CNST: variants seen among roughly 807,000 people sequenced by gnomAD.
CNST encodes consortin, connexin sorting protein.
A neutral mutation model predicts 72.4 loss-of-function variants in CNST; 39 were observed. The ratio of observed to expected loss-of-function variants is 0.54; its 90% CI spans 0.42 to 0.70. The LOEUF is 0.70. Ranked by LOEUF, CNST falls within the 30% of genes least tolerant of loss-of-function variation. CNST has a pLI of 0.00. For missense variants in CNST, 871 were observed against 868.5 expected, an observed-to-expected ratio of 1.00 and a Z score of -0.04; for synonymous variants, 332 against 320.1, an observed-to-expected ratio of 1.04 and a Z score of -0.40.
intron 10 of CNST, among the ~76,000 whole-genome samples, chr1:246,664,036 T>C (rs555234951): frequency 1.3e-5 from 2 of 152,336 alleles, no homozygotes; most frequent in Admixed American, 1.3e-4. Context: ...GTAAAATTTG[T>C]TTCTTGTAAA....
Position 246,612,569 on chromosome 1 carries a change from G to GT in CNST, c.380-8853dup, listed in dbSNP as rs532338683. ...TTTAAAATGTTAAATTTTGTGTTAT[G>GT]TTTTTTTAAAAAAATAGCCCCCCAA... is the stretch of plus-strand genomic sequence containing the variant. On this transcript the variant is annotated intron_variant, in intron 2 of 10. Coordinates refer to ENST00000366513, the MANE Select transcript of CNST (RefSeq NM_152609.3). Among the ~76,000 whole-genome samples the GT allele has an allele frequency of 2.2e-4, 34 of 152,134 alleles. No homozygotes were observed. The South Asian group carries it at 5.6e-3, about 25-fold the overall frequency.
Position 246,644,885 on chromosome 1 carries a change from A to C in CNST, c.938-2254A>C, listed in dbSNP as rs921063630. ...TTTGGATGTGGCCCTCATTGCTCTA[A>C]CCTTGCCCCATTTTAACAGAGGGAG... On this transcript the variant is annotated intron_variant, in intron 8 of 10. Coordinates refer to ENST00000366513, the MANE Select transcript of CNST (RefSeq NM_152609.3). Among the ~76,000 whole-genome samples the C allele has an allele frequency of 9.9e-5, 15 of 152,254 alleles. No individual in the cohort carries two copies. In the South Asian group the frequency reaches 2.9e-3, roughly 29 times the overall value.
chr1:246,597,199 T>G (rs1160842402), intron 2 of CNST, among the ~76,000 whole-genome samples: 2 of 152,242 alleles, frequency 1.3e-5, no homozygotes, highest in Non-Finnish European at 2.9e-5. Context: ...CAACACCTGT[T>G]AATATCTGAC....
intron 8 of CNST, among the ~76,000 whole-genome samples, chr1:246,642,928 G>C: frequency 6.8e-6 from 1 of 147,972 alleles, no homozygotes; most frequent in Non-Finnish European, 1.5e-5. Flanking sequence ...GTCTCACGCT[G>C]TTGCCCAGGC....
chr1:246,590,674 TTC>T (rs1401959095), intron 1 of CNST, among the ~76,000 whole-genome samples: 6 of 152,306 alleles, frequency 3.9e-5, no homozygotes, highest in Middle Eastern at 3.4e-3. Context: ...ACTGGATTAT[TTC>T]TTTCATACCT....
intron 10 of CNST, among the ~76,000 whole-genome samples, chr1:246,660,537 C>A (rs1198014615): frequency 3.3e-5 from 5 of 152,110 alleles, no homozygotes; most frequent in African/African-American, 2.4e-5. Flanking sequence ...ACAAGCCTGA[C>A]CAACATGACA....
intron 2 of CNST, among the ~76,000 whole-genome samples, chr1:246,599,027 C>T (rs547467438): frequency 2.6e-5 from 4 of 152,076 alleles, no homozygotes; most frequent in Admixed American, 6.5e-5. Context: ...TTTACTCTTC[C>T]TTCTTTAAGG....
At chr1:246,635,849 G>T (rs1665189911) in intron 6 of CNST, among the ~76,000 whole-genome samples, 1 of 152,162 alleles carries the variant, frequency 6.6e-6, no homozygotes, top group South Asian at 2.1e-4. Flanking sequence ...ACGGTCTTTG[G>T]CTTCCTCCTG....
chr1:246,576,999 A>T (rs1558526842), intron 1 of CNST, among the ~76,000 whole-genome samples: 2 of 151,918 alleles, frequency 1.3e-5, no homozygotes, highest in East Asian at 3.8e-4. Flanking sequence ...TTACCTTAAA[A>T]TTTTTTAAAA....
intron 9 of CNST, among the ~76,000 whole-genome samples, chr1:246,656,523 T>C (rs1271693100): frequency 6.6e-6 from 1 of 152,230 alleles, no homozygotes; most frequent in Non-Finnish European, 1.5e-5. Flanking sequence ...GTATATTTGT[T>C]TGGGTAAGAA....
At chr1:246,637,627 G>A (rs1025007796) in intron 6 of CNST, among the ~76,000 whole-genome samples, 1 of 152,202 alleles carries the variant, frequency 6.6e-6, no homozygotes, top group Non-Finnish European at 1.5e-5. Flanking sequence ...TTGGTGAGTT[G>A]AGCTTTAAGG....
intron 1 of CNST, among the ~76,000 whole-genome samples, chr1:246,570,560 C>T (rs751473757): frequency 6.6e-6 from 1 of 152,136 alleles, no homozygotes; most frequent in Non-Finnish European, 1.5e-5. Context: ...CAAATATAGT[C>T]ATGATAGACC....
At chr1:246,612,249 T>G (rs1195533220) in intron 2 of CNST, among the ~76,000 whole-genome samples, 2 of 152,254 alleles carry the variant, frequency 1.3e-5, no homozygotes, top group Non-Finnish European at 2.9e-5. Context: ...TTGCCCAGAC[T>G]AGAGTGCAGT....
At chr1:246,608,547 T>G (rs1257462511) in intron 2 of CNST, among the ~76,000 whole-genome samples, 1 of 152,242 alleles carries the variant, frequency 6.6e-6, no homozygotes, top group African/African-American at 2.4e-5. Context: ...AATATTTATG[T>G]GTACTGATTG....
At position 246,647,799 on chromosome 1, in the gene CNST, A is replaced by G. The variant is rs761942647; in HGVS notation, c.1598A>G (p.Lys533Arg). Residue 533 changes from lysine to arginine, a missense_variant, in exon 9 of 11, where the codon AAG becomes AGG. By Grantham distance (26) the Lys-to-Arg change is conservative (BLOSUM62 2). Transcript: ENST00000366513. ...LPEVCMAPEE[K>R]GDKDDQLNKE... ...GAGGTGTGTATGGCCCCAGAGGAAA[A>G]GGGAGATAAAGACGACCAACTCAAC... 6 of 1,614,188 alleles carry G rather than the reference A, an allele frequency of 3.7e-6. No homozygotes were observed. Among genetic ancestry groups the G allele is most frequent in the Non-Finnish European group, 5.1e-6 (6 of 1,180,000 alleles).
rs553600284 is a variant in CNST, at chr1:246,657,114, C to T, written c.1837-3085C>T. On this transcript the variant is annotated intron_variant, in intron 9 of 10. Transcript: ENST00000366513. ...AAGTATGAAATTGAGGCAAACCCCA[C>T]CAAACTTGTTTCTTAAGATCTTTAT... 9.9e-5 allele frequency among the ~76,000 whole-genome samples: 15 copies of T among 152,186 alleles called. No homozygotes were observed. The East Asian group carries it at 2.7e-3, about 27-fold the overall frequency.
In CNST at chr1:246,598,422, T is replaced by C. The variant is rs1159897608; in HGVS notation, c.379+6481T>C. The stretch of plus-strand genomic sequence containing the variant: ...TTCCTAGGAACTTTTTAATACTGTC[T>C]CTTTTCAGATGTACCTGTCCCTGCC... On this transcript the variant is annotated intron_variant, in intron 2 of 10. Coordinates refer to ENST00000366513, the MANE Select transcript of CNST (RefSeq NM_152609.3). Among the ~76,000 whole-genome samples the C allele has an allele frequency of 3.9e-5, 6 of 152,280 alleles. No homozygotes were observed. The East Asian group carries it at 5.8e-4, about 15-fold the overall frequency.
intron 2 of CNST, among the ~76,000 whole-genome samples, chr1:246,601,549 C>T (rs1239572687): frequency 6.6e-6 from 1 of 152,110 alleles, no homozygotes; most frequent in Non-Finnish European, 1.5e-5. Context: ...AATCCCAGCA[C>T]TTTGGGAGGC....
At chr1:246,609,969 C>T (rs887982090) in intron 2 of CNST, among the ~76,000 whole-genome samples, 9 of 152,128 alleles carry the variant, frequency 5.9e-5, no homozygotes, top group Non-Finnish European at 1.2e-4. Flanking sequence ...TCTCCCCAAA[C>T]AGAATCTCTG....
Sources: gnomAD v4.1 joint callset for allele counts (sites outside exome capture counted in the v4.1 genomes callset) on GRCh38, gnomAD v4.1.1 for gene constraint, MANE v1.5 for transcripts, NCBI Gene and HGNC (gene_info 2026-07-23, HGNC 2026-07-21) for gene names.